DIP2C: variants seen among roughly 807,000 people sequenced by gnomAD.
DIP2C encodes DIP2 acetate--CoA ligase C (putative).
A neutral mutation model predicts 192.4 loss-of-function variants in DIP2C; 33 were observed. The observed-to-expected ratio is 0.17, with a 90% CI of 0.13 to 0.23. The LOEUF (loss-of-function observed/expected upper bound fraction) is 0.23, where lower values mean the gene tolerates loss of function less well. DIP2C is among the 10% of genes least tolerant of loss of function. The probability of loss-of-function intolerance (pLI) is 1.00; values close to 1 mark genes in which losing one functional copy is unlikely to be tolerated. For missense variants in DIP2C, 1,537 were observed against 2,110.1 expected (o/e 0.73, Z 5.32); for synonymous variants, 979 against 864.1 (o/e 1.13, Z -2.33).
chr10:406,318 C>A (rs879666676), intron 9 of DIP2C, among the ~76,000 whole-genome samples: 3 of 152,214 alleles, frequency 2.0e-5, no homozygotes, highest in Non-Finnish European at 4.4e-5. Flanking sequence ...ATACAACTGC[C>A]ACCACCAGCC....
chr10:421,468 G>A (rs1433338555), intron 5 of DIP2C, among the ~76,000 whole-genome samples: 3 of 152,134 alleles, frequency 2.0e-5, no homozygotes, highest in Admixed American at 2.0e-4. Flanking sequence ...GATAAAGCTG[G>A]CAGAGCCTCA....
intron 19 of DIP2C, among the ~76,000 whole-genome samples, chr10:365,361 C>T (rs1960065142): frequency 6.6e-6 from 1 of 152,106 alleles, no homozygotes. Context: ...CATGAGACCC[C>T]ATATGTACAC....
At chr10:604,786 A>G (rs1367879147) in intron 1 of DIP2C, among the ~76,000 whole-genome samples, 1 of 152,236 alleles carries the variant, frequency 6.6e-6, no homozygotes, top group African/African-American at 2.4e-5. Flanking sequence ...GGGTTTGCCT[A>G]TGACTTGGAT....
intron 31 of DIP2C, 128 bp from the exon 32 acceptor site, chr10:310,220 A>C (rs746444115): frequency 1.4e-4 from 113 of 835,016 alleles, no homozygotes; most frequent in Non-Finnish European, 2.1e-4. Context: ...AAACACTTAG[A>C]CCAGCAACCT....
chr10:510,098 A>G (rs1845907478), intron 1 of DIP2C, among the ~76,000 whole-genome samples: 2 of 152,252 alleles, frequency 1.3e-5, no homozygotes, highest in South Asian at 4.1e-4. Flanking sequence ...AGTTATCTGT[A>G]GCAATCGCCT....
chr10:403,602 A>AT (rs1313041519), intron 9 of DIP2C, among the ~76,000 whole-genome samples: 1 of 69,602 alleles, frequency 1.4e-5, no homozygotes, highest in African/African-American at 3.9e-5. Flanking sequence ...GAATCCTGTG[A>AT]TTTTACATGT....
chr10:286,635 T>C (rs1026437032), intron 33 of DIP2C, among the ~76,000 whole-genome samples: 2 of 152,114 alleles, frequency 1.3e-5, no homozygotes, highest in African/African-American at 4.8e-5. Flanking sequence ...CTAAGAGAAA[T>C]CTATTGAAAA....
intron 1 of DIP2C, among the ~76,000 whole-genome samples, chr10:648,978 A>G (rs1453298286): frequency 1.4e-5 from 2 of 145,256 alleles, no homozygotes; most frequent in Non-Finnish European, 3.0e-5. Flanking sequence ...TGATGGTGGG[A>G]GACAACAGAG....
intron 4 of DIP2C, among the ~76,000 whole-genome samples, chr10:440,338 C>T (rs1967628500): frequency 6.6e-6 from 1 of 152,228 alleles, no homozygotes; most frequent in Admixed American, 6.5e-5. Flanking sequence ...GCTGCTTTCA[C>T]ACTCCAAGGG....
chr10:484,612 G>A (rs981240328), intron 2 of DIP2C, among the ~76,000 whole-genome samples: 6 of 152,344 alleles, frequency 3.9e-5, no homozygotes, highest in South Asian at 2.1e-4. Flanking sequence ...GGACAGACCT[G>A]GTCTCTGGCG....
intron 1 of DIP2C, among the ~76,000 whole-genome samples, chr10:578,066 A>AAATCT (rs1564219884): frequency 2.0e-5 from 3 of 152,214 alleles, no homozygotes; most frequent in African/African-American, 7.2e-5. Context: ...GATTATTCTC[A>AAATCT]AATTCCACAT....
chr10:685,811 A>G (rs916052386), intron 1 of DIP2C, among the ~76,000 whole-genome samples: 5 of 152,144 alleles, frequency 3.3e-5, no homozygotes, highest in Admixed American at 2.0e-4. Flanking sequence ...AGGTACAAAA[A>G]TTAGCCAGGT....
intron 9 of DIP2C, among the ~76,000 whole-genome samples, chr10:399,711 T>C (rs180877256): frequency 4.5e-4 from 68 of 152,330 alleles, no homozygotes; most frequent in African/African-American, 1.6e-3. Flanking sequence ...GATGTCTTAA[T>C]GCGGTGGTCA....
chr10:526,583 T>G (rs187751435), intron 1 of DIP2C, among the ~76,000 whole-genome samples: 2 of 152,166 alleles, frequency 1.3e-5, no homozygotes, highest in East Asian at 3.9e-4. Context: ...TTTATGTTAG[T>G]TTTACATTAC....
At chr10:484,932 G>T (rs750715316) in intron 2 of DIP2C, 1 of 1,608,604 alleles carries the variant, frequency 6.2e-7, no homozygotes, top group Non-Finnish European at 8.5e-7. Flanking sequence ...ACCGAACCAC[G>T]GCAGCTCCAT....
chr10:397,466 G>A lies in DIP2C; in HGVS notation c.1260+1643C>T, dbSNP rs535521085. 2.5e-3 allele frequency among the ~76,000 whole-genome samples: 381 copies of A among 151,194 alleles called. 1 individual carries two copies. Among genetic ancestry groups the A allele is most frequent in the Non-Finnish European group, 4.2e-3 (282 of 67,950 alleles). On this transcript the variant is annotated intron_variant, in intron 10 of 36. Coordinates refer to ENST00000280886, the MANE Select transcript of DIP2C (RefSeq NM_014974.3). ...AATCGCTTGAACCCGAGGGGCAGAGGTTGCAGTGAGCTGAAATCGTGCCAC... is the reference window on the plus strand; with the variant it reads ...AATCGCTTGAACCCGAGGGGCAGAGATTGCAGTGAGCTGAAATCGTGCCAC...
intron 3 of DIP2C, among the ~76,000 whole-genome samples, chr10:463,323 G>A (rs932787821): frequency 4.6e-5 from 7 of 152,146 alleles, no homozygotes; most frequent in African/African-American, 1.7e-4. Context: ...AAATCAATGT[G>A]CAAAAATCAC....
intron 5 of DIP2C, among the ~76,000 whole-genome samples, chr10:421,067 TTAAG>T (rs1207897518): frequency 2.6e-5 from 4 of 152,254 alleles, no homozygotes; most frequent in African/African-American, 7.2e-5. Context: ...CCTTTTCTGA[TTAAG>T]TTTCATTATT....
chr10:430,337 A>G (rs1180101994), intron 4 of DIP2C: 5 of 152,046 alleles, frequency 3.3e-5, no homozygotes, highest in Admixed American at 6.6e-5. Flanking sequence ...TCCATTTCCA[A>G]CCTAAGCTAG....
Sources: allele counts gnomAD v4.1 joint callset (sites outside exome capture counted in the v4.1 genomes callset), GRCh38; gene constraint gnomAD v4.1.1; transcripts MANE v1.5; gene names NCBI Gene and HGNC (gene_info 2026-07-23, HGNC 2026-07-21).